PHACTR4: variants seen among roughly 807,000 people sequenced by gnomAD.
PHACTR4 encodes protein phosphatase 1, regulatory subunit 124.
Under a neutral mutation model 72.7 loss-of-function variants are expected in PHACTR4, and 51 were observed. That is an observed-to-expected ratio of 0.70 (90% CI 0.56 to 0.89). The LOEUF is 0.89. PHACTR4 is among the 40% of genes least tolerant of loss of function. The probability of loss-of-function intolerance (pLI) is 0.00; values close to 1 mark genes in which losing one functional copy is unlikely to be tolerated. For missense variants in PHACTR4, 731 were observed against 861.8 expected, an observed-to-expected ratio of 0.85 and a Z score of 1.90; for synonymous variants, 255 against 302.5, an observed-to-expected ratio of 0.84 and a Z score of 1.63.
chr1:28,380,050 A>ATTTT lies in PHACTR4; in HGVS notation c.-39+10225_-39+10226insTTTT, dbSNP rs1405487346. On this transcript the variant is annotated intron_variant, in intron 1 of 13. Transcript: ENST00000373839. ...GTTATTCTGTGTTTTTTTAAATGTA[A>ATTTT]CTTTTTTTTTTTTTTTTTTTTTTTG... 4.4e-4 allele frequency among the ~76,000 whole-genome samples: 56 copies of ATTTT among 128,092 alleles called. 5 individuals are homozygous for ATTTT. Among genetic ancestry groups the ATTTT allele is most frequent in the Middle Eastern group, 4.8e-3 (1 of 208 alleles). The allele number at this position is 128,092 out of a possible 152,430, so 84.0% of individuals were successfully genotyped here.
At chr1:28,461,756 G>A (rs1658821362) in intron 4 of PHACTR4, among the ~76,000 whole-genome samples, 1 of 151,830 alleles carries the variant, frequency 6.6e-6, no homozygotes, top group South Asian at 2.1e-4. Flanking sequence ...CAAACTCATG[G>A]GCAGCACAAG....
intron 2 of PHACTR4, among the ~76,000 whole-genome samples, chr1:28,409,959 T>G (rs1457018761): frequency 1.4e-5 from 1 of 70,756 alleles, no homozygotes; most frequent in Non-Finnish European, 2.9e-5. Flanking sequence ...AAATTTTTTT[T>G]TTTTTTTTTT....
At chr1:28,423,764 C>T (rs1448789251) in intron 2 of PHACTR4, among the ~76,000 whole-genome samples, 2 of 152,130 alleles carry the variant, frequency 1.3e-5, no homozygotes, top group Non-Finnish European at 2.9e-5. Context: ...CTGTCTTGCT[C>T]ATAGACTTGT....
intron 1 of PHACTR4, among the ~76,000 whole-genome samples, chr1:28,388,524 A>G (rs1652751148): frequency 6.6e-6 from 1 of 152,142 alleles, no homozygotes; most frequent in African/African-American, 2.4e-5. Context: ...CATGCAGAAG[A>G]ATGAAATTAG....
intron 2 of PHACTR4, among the ~76,000 whole-genome samples, chr1:28,421,661 G>A (rs751867055): frequency 4.6e-5 from 7 of 151,914 alleles, no homozygotes; most frequent in African/African-American, 9.7e-5. Context: ...CCATTTCCCC[G>A]CACAGGGTGA....
chr1:28,408,836 C>T lies in PHACTR4; in HGVS notation c.16+1373C>T, dbSNP rs1014492497. ...GACTATAGGTGTGCACCCCTATGCCCGACTGATTTTTTTTTTTTTTTTTGG... is the reference window on the plus strand; with the variant it reads ...GACTATAGGTGTGCACCCCTATGCCTGACTGATTTTTTTTTTTTTTTTTGG... On this transcript the variant is annotated intron_variant, in intron 2 of 13. Coordinates refer to ENST00000373839, the MANE Select transcript of PHACTR4 (RefSeq NM_001048183.3). Among the ~76,000 whole-genome samples, 6 of 140,794 alleles carry T rather than the reference C, an allele frequency of 4.3e-5. No homozygotes were observed. The East Asian group carries it at 5.9e-4, about 14-fold the overall frequency. 92.4% of individuals were successfully genotyped at this position (140,794 alleles called of 152,430 possible). A position where few individuals can be genotyped will look rare whatever the true frequency, so the allele number is the denominator to read the frequency against.
At chr1:28,465,521 C>T (rs1254103512) in intron 4 of PHACTR4, among the ~76,000 whole-genome samples, 164 bp from the exon 5 acceptor site, 2 of 152,038 alleles carry the variant, frequency 1.3e-5, no homozygotes, top group African/African-American at 2.4e-5. Flanking sequence ...GAGACCAAGG[C>T]GGGCTGATTG....
chr1:28,424,704 G>A (rs986504326), intron 2 of PHACTR4, among the ~76,000 whole-genome samples: 1 of 151,774 alleles, frequency 6.6e-6, no homozygotes, highest in African/African-American at 2.4e-5. Context: ...TAGCCAGGAT[G>A]GTCTCGATAT....
At chr1:28,374,728 A>T (rs1651507618) in intron 1 of PHACTR4, among the ~76,000 whole-genome samples, 1 of 152,198 alleles carries the variant, frequency 6.6e-6, no homozygotes, top group African/African-American at 2.4e-5. Context: ...AAACAGTGAA[A>T]ACAAGTATTT....
chr1:28,466,456 C>T lies in PHACTR4; in HGVS notation c.511C>T (p.Pro171Ser). The T allele has an allele frequency of 1.9e-6, 3 of 1,614,128 alleles. No homozygotes were observed. Among genetic ancestry groups the T allele is most frequent in the Non-Finnish European group, 2.5e-6 (3 of 1,180,030 alleles). ...TGTACCCAAACCACCTTTACTTCCT[C>T]CCAAAAGACCCTTGTCCTCTTCTCA... is the stretch of plus-strand genomic sequence containing the variant. ...ENVPKPPLLP[P>S]KRPLSSSHEA... is the part of the protein sequence containing the mutation. Residue 171 changes from proline to serine, a missense_variant, in exon 6 of 14, where the codon CCC becomes TCC. Pro to Ser is a moderately conservative substitution (Grantham distance 74). Around this residue, in one of 2 missense-constraint regions of PHACTR4, gnomAD observed 621 missense variants for 676.6 expected, o/e 0.92. Transcript: ENST00000373839.
In PHACTR4 at chr1:28,385,041, A is replaced by G. The variant is rs950962014; in HGVS notation, c.-39+15216A>G. 3.9e-5 allele frequency among the ~76,000 whole-genome samples: 6 copies of G among 151,938 alleles called. No individual in the cohort carries two copies. The South Asian group carries it at 1.2e-3, about 32-fold the overall frequency. Reference sequence around the variant, plus strand: ...TTCTCTTTTGCTAGCTTTGGGATTGATTTGCTCTTGGTTATCTAGTTCTTT... The same window carrying G: ...TTCTCTTTTGCTAGCTTTGGGATTGGTTTGCTCTTGGTTATCTAGTTCTTT... On this transcript the variant is annotated intron_variant, in intron 1 of 13. Coordinates refer to ENST00000373839, the MANE Select transcript of PHACTR4 (RefSeq NM_001048183.3).
At chr1:28,438,019 G>C (rs1656742766) in intron 2 of PHACTR4, 1 of 395,658 alleles carries the variant, frequency 2.5e-6, no homozygotes, top group African/African-American at 2.4e-5. Context: ...GAGCGTTGCA[G>C]CCAAGCTCAA....
intron 4 of PHACTR4, among the ~76,000 whole-genome samples, chr1:28,461,836 C>T (rs1316069633): frequency 6.8e-6 from 1 of 147,046 alleles, no homozygotes; most frequent in African/African-American, 2.6e-5. Flanking sequence ...AGGTGCTATG[C>T]GATGTTTTCT....
intron 9 of PHACTR4, chr1:28,481,396 C>G (rs1156898149): frequency 6.6e-6 from 1 of 152,176 alleles, no homozygotes; most frequent in Non-Finnish European, 1.5e-5. Context: ...TAGCACTCCA[C>G]TTGACAAGGA....
chr1:28,380,304 C>T (rs989363108), intron 1 of PHACTR4, among the ~76,000 whole-genome samples: 2 of 151,846 alleles, frequency 1.3e-5, no homozygotes, highest in African/African-American at 4.8e-5. Context: ...GATCCGCCCG[C>T]CTCGGCCTCC....
Position 28,444,243 on chromosome 1 carries a change from T to TTTTTTTTTTTTTTTTTTTC in PHACTR4, c.17-14841_17-14840insTTTTTTTTTTTTTTTTTCT, listed in dbSNP as rs1553194313. On this transcript the variant is annotated intron_variant, in intron 2 of 13. Transcript: ENST00000373839. The stretch of plus-strand genomic sequence containing the variant: ...TTTTTTTTTTTTTTTTTTTTTTTTT[T>TTTTTTTTTTTTTTTTTTTC]TGAGACAGAGTCTTGCTCTGTCGCC... Among the ~76,000 whole-genome samples the TTTTTTTTTTTTTTTTTTTC allele has an allele frequency of 2.1e-5, 2 of 97,376 alleles. 1 individual carries two copies. The highest frequency in any genetic ancestry group is 9.0e-5 in the African/African-American group (2 of 22,182). The allele number at this position is 97,376 out of a possible 152,430, so 63.9% of individuals were successfully genotyped here.
intron 10 of PHACTR4, among the ~76,000 whole-genome samples, 184 bp from the exon 11 acceptor site, chr1:28,490,767 C>T (rs1008210056): frequency 1.3e-5 from 2 of 151,264 alleles, no homozygotes; most frequent in East Asian, 1.9e-4. Context: ...CGCTTGAACT[C>T]GGGAGGCCGA....
At position 28,455,953 on chromosome 1, in the gene PHACTR4, G is replaced by A. The variant is rs139461115; in HGVS notation, c.17-3132G>A. Among the ~76,000 whole-genome samples the A allele has an allele frequency of 7.2e-5, 11 of 152,304 alleles. 1 individual carries two copies. In the East Asian group the frequency reaches 2.1e-3, roughly 29 times the overall value. ...AAGTGAAAATCAAGCACATTTGCAT[G>A]AGAAGCAAAGAAAATGTTGCTCTGT... On this transcript the variant is annotated intron_variant, in intron 2 of 13. Transcript: ENST00000373839.
chr1:28,465,610 A>T, intron 4 of PHACTR4, 75 bp from the exon 5 acceptor site: 1 of 1,440,164 alleles, frequency 6.9e-7, no homozygotes, highest in Non-Finnish European at 9.4e-7. Context: ...GAGAAAGAAA[A>T]AAAGAAATTA....
Sources: allele counts gnomAD v4.1 joint callset (sites outside exome capture counted in the v4.1 genomes callset), GRCh38; gene constraint gnomAD v4.1.1; regional missense constraint gnomAD v4.1.1; transcripts MANE v1.5; gene names NCBI Gene and HGNC (gene_info 2026-07-23, HGNC 2026-07-21).